Variants in GNAL observed in about 807,000 individuals in gnomAD.
GNAL encodes G protein subunit alpha L.
A neutral mutation model predicts 55.1 loss-of-function variants in GNAL; 18 were observed. That is an observed-to-expected ratio of 0.33 (90% confidence interval 0.23 to 0.48). The LOEUF (loss-of-function observed/expected upper bound fraction) is 0.48, where lower values mean the gene tolerates loss of function less well. Among genes scored for constraint, GNAL ranks in the 20% least tolerant of loss-of-function variants. The pLI is 0.99. For missense variants in GNAL, 412 were observed against 614.1 expected (o/e 0.67, Z 3.48); for synonymous variants, 253 against 237.0 (o/e 1.07, Z -0.62).
intron 4 of GNAL, among the ~76,000 whole-genome samples, chr18:11,755,464 A>G (rs1404545160): frequency 6.6e-6 from 1 of 152,016 alleles, no homozygotes. Flanking sequence ...TTTAGTAGAG[A>G]TGGGGTTTCA....
intron 9 of GNAL, among the ~76,000 whole-genome samples, chr18:11,869,838 G>A (rs1352832271): frequency 2.0e-5 from 3 of 152,158 alleles, no homozygotes; most frequent in African/African-American, 7.2e-5. Context: ...GAGCCCAGGA[G>A]GCGGAGGTTA....
intron 4 of GNAL, among the ~76,000 whole-genome samples, chr18:11,778,136 G>A (rs990320017): frequency 3.3e-5 from 5 of 152,154 alleles, no homozygotes; most frequent in Non-Finnish European, 7.4e-5. Flanking sequence ...CATATGTATG[G>A]TGAATAGTGA....
At chr18:11,769,119 A>G (rs2033545955) in intron 4 of GNAL, among the ~76,000 whole-genome samples, 2 of 112,044 alleles carry the variant, frequency 1.8e-5, no homozygotes, top group South Asian at 4.6e-4. Flanking sequence ...GATTATATAA[A>G]TTATATGTAA....
At chr18:11,775,563 C>T (rs2033759800) in intron 4 of GNAL, among the ~76,000 whole-genome samples, 2 of 152,156 alleles carry the variant, frequency 1.3e-5, no homozygotes, top group Admixed American at 6.5e-5. Context: ...CCTACCTCAC[C>T]CAAAAAGATT....
chr18:11,838,991 G>A (rs148159162), intron 5 of GNAL, among the ~76,000 whole-genome samples: 31 of 152,272 alleles, frequency 2.0e-4, no homozygotes, highest in African/African-American at 7.0e-4. Flanking sequence ...ATAAATATGA[G>A]ATGTTATAGC....
At chr18:11,697,568 A>G (rs1173040295) in intron 1 of GNAL, among the ~76,000 whole-genome samples, 2 of 151,302 alleles carry the variant, frequency 1.3e-5, no homozygotes, top group Non-Finnish European at 2.9e-5. Flanking sequence ...AGAAAAAAAA[A>G]AGAGAGAGAG....
At chr18:11,801,045 T>C (rs1034475364) in intron 4 of GNAL, among the ~76,000 whole-genome samples, 1 of 152,196 alleles carries the variant, frequency 6.6e-6, no homozygotes, top group Non-Finnish European at 1.5e-5. Flanking sequence ...TACAACAAAG[T>C]AGGTAGAAGA....
chr18:11,830,282 C>CTTTT (rs71172023), intron 5 of GNAL, among the ~76,000 whole-genome samples: 1,280 of 98,834 alleles, frequency 0.013, 45 homozygotes, highest in Middle Eastern at 0.029. Flanking sequence ...AGAATTGCAT[C>CTTTT]TTTTTTTTTT....
chr18:11,859,994 C>T (rs1015086455), intron 5 of GNAL, among the ~76,000 whole-genome samples: 7 of 152,132 alleles, frequency 4.6e-5, no homozygotes, highest in Non-Finnish European at 8.8e-5. Flanking sequence ...GCGATCCACC[C>T]ACCTCCACCT....
intron 4 of GNAL, among the ~76,000 whole-genome samples, chr18:11,824,694 A>AAAG (rs368627903): frequency 6.6e-6 from 1 of 151,178 alleles, no homozygotes; most frequent in Non-Finnish European, 1.5e-5. Context: ...TCTCAAAAAA[A>AAAG]AAACAAAAAA....
intron 4 of GNAL, among the ~76,000 whole-genome samples, chr18:11,782,467 A>C (rs919852984): frequency 6.6e-6 from 1 of 152,242 alleles, no homozygotes; most frequent in East Asian, 1.9e-4. Flanking sequence ...AACAAGCATA[A>C]CTAAGTACTA....
intron 4 of GNAL, among the ~76,000 whole-genome samples, chr18:11,799,914 C>G (rs1029715573): frequency 6.6e-6 from 1 of 152,104 alleles, no homozygotes; most frequent in Non-Finnish European, 1.5e-5. Flanking sequence ...TCGCCCCTCA[C>G]TCTTCACTGT....
At chr18:11,804,178 G>A (rs1445324894) in intron 4 of GNAL, among the ~76,000 whole-genome samples, 2 of 138,556 alleles carry the variant, frequency 1.4e-5, no homozygotes, top group Admixed American at 7.2e-5. Context: ...ACTGTGTAGT[G>A]GTGAAGTACA....
chr18:11,787,873 C>CAA (rs541254476), intron 4 of GNAL, among the ~76,000 whole-genome samples: 68 of 124,254 alleles, frequency 5.5e-4, no homozygotes, highest in African/African-American at 1.4e-3. Flanking sequence ...GACTCCATCT[C>CAA]AAAAAAAAAA....
At chr18:11,719,071 A>G (rs1452350674) in intron 1 of GNAL, among the ~76,000 whole-genome samples, 1 of 152,178 alleles carries the variant, frequency 6.6e-6, no homozygotes, top group Non-Finnish European at 1.5e-5. Context: ...GCTGATTGTC[A>G]TTTGGTGGGG....
chr18:11,885,067 G>A lies in GNAL; in HGVS notation c.*3932G>A, dbSNP rs748535762. 5.7e-5 allele frequency: 73 copies of A among 1,286,368 alleles called. No individual in the cohort carries two copies. Among genetic ancestry groups the A allele is most frequent in the African/African-American group, 2.3e-4 (15 of 65,756 alleles). 79.7% of individuals were successfully genotyped at this position (1,286,368 alleles called of 1,614,324 possible). The stretch of plus-strand genomic sequence containing the variant: ...CCCTAGAAATACATGTGTCCAGGTC[G>A]TCTCCATGGGCTTTTCTTTGCAGAT... On this transcript the variant is annotated 3_prime_UTR_variant, in exon 12 of 12. Transcript: ENST00000334049.
chr18:11,752,319 T>A lies in GNAL; in HGVS notation c.377-534T>A. On this transcript the variant is annotated intron_variant, in intron 1 of 11. Transcript: ENST00000334049. The surrounding 1 kb of genome is among the most constrained non-coding windows in gnomAD (Gnocchi z 4.5). ...GGAAAACACCGAAGAGACCAGACCATCTCTTTCAGCAGCAGGAAAGAGAGG... is the reference window on the plus strand; with the variant it reads ...GGAAAACACCGAAGAGACCAGACCAACTCTTTCAGCAGCAGGAAAGAGAGG... The A allele has an allele frequency of 6.8e-7, 1 of 1,473,850 alleles. No homozygotes were observed. Among genetic ancestry groups the A allele is most frequent in the Non-Finnish European group, 8.9e-7 (1 of 1,117,432 alleles). The allele number at this position is 1,473,850 out of a possible 1,614,324, so 91.3% of individuals were successfully genotyped here.
intron 4 of GNAL, among the ~76,000 whole-genome samples, chr18:11,804,814 G>A (rs113052388): frequency 2.3e-5 from 3 of 128,154 alleles, no homozygotes; most frequent in Non-Finnish European, 3.2e-5. Context: ...TGAAGTACAG[G>A]TGCAGTTTGA....
chr18:11,751,593 G>C lies in GNAL; in HGVS notation c.377-1260G>C, dbSNP rs2143084762. ...GCCCGCCAGGAGCAGGGACGCGTCC[G>C]AGCCAACACGGGGCGCGCGCCCAGA... On this transcript the variant is annotated intron_variant, in intron 1 of 11. Coordinates refer to ENST00000334049, the MANE Select transcript of GNAL (RefSeq NM_182978.4). This position sits in a 1 kb window ranked among gnomAD's most constrained non-coding sequence, Gnocchi z 4.5. 1 of 985,470 alleles carries C rather than the reference G, an allele frequency of 1.0e-6. No homozygotes were observed. The highest frequency in any genetic ancestry group is 1.2e-6 in the Non-Finnish European group (1 of 829,956). The allele number at this position is 985,470 out of a possible 1,614,324, so 61.0% of individuals were successfully genotyped here.
Sources: gnomAD v4.1 joint callset for allele counts (sites outside exome capture counted in the v4.1 genomes callset) on GRCh38, gnomAD v4.1.1 for gene constraint, Gnocchi (gnomAD v3.1) non-coding constraint, MANE v1.5 for transcripts, NCBI Gene and HGNC (gene_info 2026-07-23, HGNC 2026-07-21) for gene names.